Variants in CC2D2A observed in about 807,000 individuals in gnomAD.
The protein encoded by CC2D2A is coiled-coil and C2 domain containing 2A.
In CC2D2A, 155 loss-of-function variants were observed where a neutral mutation model predicts 212.9. The observed-to-expected ratio is 0.73, with a 90% CI of 0.64 to 0.83. The LOEUF is 0.83. Ranked by LOEUF, CC2D2A falls within the 40% of genes least tolerant of loss-of-function variation. The pLI is 0.00. For synonymous variants in CC2D2A, 667 were observed against 686.5 expected, an observed-to-expected ratio of 0.97 and a Z score of 0.44; for missense variants, 1,856 against 1,956.2, an observed-to-expected ratio of 0.95 and a Z score of 0.97.
intron 13 of CC2D2A, among the ~76,000 whole-genome samples, chr4:15,531,822 T>C (rs1430983138): frequency 6.6e-6 from 1 of 152,168 alleles, no homozygotes; most frequent in Non-Finnish European, 1.5e-5. Context: ...CCTGAAGATG[T>C]CATGTAACTC....
intron 28 of CC2D2A, 140 bp from the exon 29 acceptor site, chr4:15,574,010 T>G: frequency 1.6e-6 from 1 of 638,954 alleles, no homozygotes; most frequent in Non-Finnish European, 2.7e-6. Flanking sequence ...AGAGATGAGA[T>G]TAGAAAGATG....
chr4:15,519,003 T>C lies in CC2D2A; in HGVS notation c.1149+2247T>C, dbSNP rs1717045773. ...TAAACATTCGGCTCCATGTTACTTATGCAAATTTCTACAGCCGGTTTGAAT... is the reference window on the plus strand; with the variant it reads ...TAAACATTCGGCTCCATGTTACTTACGCAAATTTCTACAGCCGGTTTGAAT... On this transcript the variant is annotated intron_variant, in intron 11 of 36. Transcript: ENST00000424120. 2.0e-5 allele frequency among the ~76,000 whole-genome samples: 3 copies of C among 152,244 alleles called. No individual in the cohort carries two copies. The South Asian group carries it at 6.2e-4, about 32-fold the overall frequency.
Position 15,587,870 on chromosome 4 carries a change from A to T in CC2D2A, c.4120A>T (p.Asn1374Tyr). The change falls in exon 32 of 37, where the codon AAT (asparagine) becomes TAT (tyrosine). Residue 1374 changes from asparagine to tyrosine, a missense_variant. By Grantham distance (143) the Asn-to-Tyr change is moderately radical. Transcript: ENST00000424120. ...AGAAGAACATGCAGTACTATTGTGT[A>T]ATTACTTTCTGTCTCTGGGTAAGAA... ...DEEEHAVLLCNYFLSLGKKAW... is the reference protein window; with the variant it reads ...DEEEHAVLLCYYFLSLGKKAW... 1.2e-6 allele frequency: 2 copies of T among 1,613,630 alleles called. No homozygotes were observed. Among genetic ancestry groups the T allele is most frequent in the South Asian group, 2.2e-5 (2 of 91,064 alleles).
chr4:15,514,594 GA>G, intron 8 of CC2D2A, 112 bp from the exon 9 acceptor site: 1 of 824,632 alleles, frequency 1.2e-6, no homozygotes, highest in South Asian at 3.2e-5. Context: ...TTAAAAAAAG[GA>G]AAAGATAAAG....
chr4:15,526,507 T>C (rs1040456459), intron 11 of CC2D2A, among the ~76,000 whole-genome samples: 1 of 152,210 alleles, frequency 6.6e-6, no homozygotes, highest in Non-Finnish European at 1.5e-5. Context: ...AATAAAAGCT[T>C]CTTTTCTGAT....
chr4:15,571,309 CAG>C (rs1300495004), intron 28 of CC2D2A, among the ~76,000 whole-genome samples: 1 of 152,184 alleles, frequency 6.6e-6, no homozygotes, highest in Non-Finnish European at 1.5e-5. Context: ...CACCCTTCTT[CAG>C]AGTTAATGGT....
At chr4:15,581,181 A>T (rs1012117035) in intron 30 of CC2D2A, among the ~76,000 whole-genome samples, 1 of 152,198 alleles carries the variant, frequency 6.6e-6, no homozygotes, top group African/African-American at 2.4e-5. Context: ...GTAGATATAG[A>T]TGTATCAAAA....
At chr4:15,474,567 C>A (rs1289915277) in intron 1 of CC2D2A, among the ~76,000 whole-genome samples, 1 of 151,868 alleles carries the variant, frequency 6.6e-6, no homozygotes, top group Non-Finnish European at 1.5e-5. Flanking sequence ...TTTAATTGTA[C>A]ATTTAAAAAT....
intron 17 of CC2D2A, among the ~76,000 whole-genome samples, chr4:15,548,318 A>G (rs760019595): frequency 7.9e-5 from 12 of 152,286 alleles, no homozygotes; most frequent in Non-Finnish European, 1.5e-4. Flanking sequence ...ATGTGGCTCC[A>G]GAAACTAGGA....
intron 36 of CC2D2A, 26 bp downstream of exon 36, chr4:15,599,732 G>T: frequency 6.5e-7 from 1 of 1,543,544 alleles, no homozygotes; most frequent in South Asian, 1.2e-5. Flanking sequence ...ATCCTAAACT[G>T]ACTGTGGATT....
At position 15,528,683 on chromosome 4, in the gene CC2D2A, GAT is replaced by G. The variant is rs1560167083; in HGVS notation, c.1425_1426del (p.Thr476HisfsTer7). 1 of 1,613,342 alleles carries G rather than the reference GAT, an allele frequency of 6.2e-7. No homozygotes were observed. ...LDPEKPHQSLDTIQKTINEYK... is the reference protein window; with the variant it reads ...LDPEKPHQSLXTIQKTINEYK... ...TCCAGAAAAACCTCATCAGTCTCTC[GAT>G]ACCATCCAAAAAACCATCAATGAGT... is the stretch of plus-strand genomic sequence containing the variant. On this transcript the variant is annotated frameshift_variant, in exon 13 of 37. Coordinates refer to ENST00000424120, the MANE Select transcript of CC2D2A (RefSeq NM_001378615.1). LOFTEE classifies it high-confidence loss of function.
intron 4 of CC2D2A, chr4:15,482,356 C>T: frequency 1.1e-6 from 1 of 914,048 alleles, no homozygotes; most frequent in Non-Finnish European, 1.3e-6. Flanking sequence ...TAACAAAATA[C>T]TATAGACTGG....
At position 15,567,752 on chromosome 4, in the gene CC2D2A, C is replaced by T. The variant is rs118204051; in HGVS notation, c.3364C>T (p.Pro1122Ser). The T allele has an allele frequency of 1.2e-6, 2 of 1,600,774 alleles. No homozygotes were observed. The highest frequency in any genetic ancestry group is 1.7e-6 in the Non-Finnish European group (2 of 1,176,402). The change falls in exon 26 of 37, where the codon CCT (proline) becomes TCT (serine). Residue 1122 changes from proline (P) to serine (S), a missense_variant. Pro to Ser is a moderately conservative substitution (Grantham distance 74). This residue lies in a region of CC2D2A where 1,512 missense variants were observed against 1,579.3 expected (regional missense o/e 0.96). Coordinates refer to ENST00000424120, the MANE Select transcript of CC2D2A (RefSeq NM_001378615.1). Reference sequence around the variant, plus strand: ...TACGACTACGGCTGAAGGACCAAACCCTAGCTGGAATGAAGAACTAGAACT... The same window carrying T: ...TACGACTACGGCTGAAGGACCAAACTCTAGCTGGAATGAAGAACTAGAACT... ...CHTTTAEGPN[P>S]SWNEELELPF...
intron 33 of CC2D2A, among the ~76,000 whole-genome samples, chr4:15,590,721 C>T (rs1721064857): frequency 6.6e-6 from 1 of 152,094 alleles, no homozygotes; most frequent in South Asian, 2.1e-4. Flanking sequence ...AGAGTAACAA[C>T]TCTTTAATTA....
At chr4:15,599,888 T>C in intron 36 of CC2D2A, among the ~76,000 whole-genome samples, 182 bp downstream of exon 36, 1 of 152,096 alleles carries the variant, frequency 6.6e-6, no homozygotes, top group East Asian at 1.9e-4. Context: ...AATAGCAAAA[T>C]ACCACCATTT....
At chr4:15,513,804 C>G (rs1716706179) in intron 8 of CC2D2A, among the ~76,000 whole-genome samples, 1 of 152,196 alleles carries the variant, frequency 6.6e-6, no homozygotes, top group African/African-American at 2.4e-5. Flanking sequence ...TTTTGGCATT[C>G]TCTGTCTTCA....
At chr4:15,527,726 T>C in intron 12 of CC2D2A, 70 bp downstream of exon 12, 1 of 1,194,898 alleles carries the variant, frequency 8.4e-7, no homozygotes. Context: ...ACAATGAAAA[T>C]TTCTAACAGC....
intron 6 of CC2D2A, 127 bp downstream of exon 6, chr4:15,503,050 A>G (rs973431783): frequency 7.8e-5 from 47 of 602,890 alleles, no homozygotes; most frequent in Non-Finnish European, 1.1e-4. Context: ...ATTATAATAC[A>G]CTTTGGGAGA....
intron 4 of CC2D2A, among the ~76,000 whole-genome samples, chr4:15,485,520 G>A (rs965468857): frequency 6.6e-6 from 1 of 152,120 alleles, no homozygotes; most frequent in Non-Finnish European, 1.5e-5. Flanking sequence ...GGATCATAGG[G>A]TAGTTCTATT....
Sources: allele counts gnomAD v4.1 joint callset (sites outside exome capture counted in the v4.1 genomes callset), GRCh38; gene constraint gnomAD v4.1.1; regional missense constraint gnomAD v4.1.1; transcripts MANE v1.5; gene names NCBI Gene and HGNC (gene_info 2026-07-23, HGNC 2026-07-21).